Variants in TNFRSF19 observed in about 807,000 individuals in gnomAD.
TNFRSF19 encodes tumor necrosis factor receptor superfamily member 19.
In TNFRSF19, 27 loss-of-function variants were observed where a neutral mutation model predicts 46.4. The ratio of observed to expected loss-of-function variants is 0.58; its 90% CI spans 0.43 to 0.80. The LOEUF (loss-of-function observed/expected upper bound fraction) is 0.80, where lower values mean the gene tolerates loss of function less well. Among genes scored for constraint, TNFRSF19 ranks in the 30% least tolerant of loss-of-function variants. TNFRSF19 has a pLI of 0.00. For synonymous variants in TNFRSF19, 204 were observed against 205.0 expected (o/e 1.00, Z 0.04); for missense variants, 511 against 530.8 (o/e 0.96, Z 0.37).
intron 5 of TNFRSF19, among the ~76,000 whole-genome samples, chr13:23,634,388 C>T (rs1316823001): frequency 6.6e-6 from 1 of 152,208 alleles, no homozygotes; most frequent in Non-Finnish European, 1.5e-5. Flanking sequence ...CTCTGTTAGA[C>T]ATTTAAAACC....
intron 5 of TNFRSF19, among the ~76,000 whole-genome samples, chr13:23,646,179 C>T (rs955471422): frequency 6.6e-6 from 1 of 152,196 alleles, no homozygotes; most frequent in Non-Finnish European, 1.5e-5. Flanking sequence ...CCCCGGTCAG[C>T]GGGCAGTGAT....
At chr13:23,669,444 A>G in intron 9 of TNFRSF19, 1 of 983,154 alleles carries the variant, frequency 1.0e-6, no homozygotes, top group Non-Finnish European at 1.2e-6. Context: ...CCTGTTATAT[A>G]TACTTATTAT....
At chr13:23,594,599 A>G (rs570011293) in intron 3 of TNFRSF19, among the ~76,000 whole-genome samples, 39 of 152,338 alleles carry the variant, frequency 2.6e-4, no homozygotes, top group South Asian at 8.3e-4. Context: ...AGGGAAAGAA[A>G]GGCAGCAGCC....
chr13:23,672,196 G>A (rs1307523557), intron 9 of TNFRSF19, among the ~76,000 whole-genome samples: 1 of 152,222 alleles, frequency 6.6e-6, no homozygotes, highest in Non-Finnish European at 1.5e-5. Context: ...TCCAGATAAA[G>A]CAAATAGGTG....
At chr13:23,623,519 C>G (rs1881805278) in intron 4 of TNFRSF19, among the ~76,000 whole-genome samples, 1 of 152,142 alleles carries the variant, frequency 6.6e-6, no homozygotes. Flanking sequence ...TTTGAGGAAC[C>G]TACGTGCTGT....
chr13:23,625,788 A>G (rs958668638), intron 4 of TNFRSF19, among the ~76,000 whole-genome samples: 1 of 152,142 alleles, frequency 6.6e-6, no homozygotes, highest in Admixed American at 6.5e-5. Context: ...CCCACAGGCA[A>G]TATATACATA....
intron 5 of TNFRSF19, among the ~76,000 whole-genome samples, chr13:23,644,957 A>G (rs1053876123): frequency 1.3e-5 from 2 of 152,240 alleles, no homozygotes; most frequent in African/African-American, 2.4e-5. Context: ...TTCTTGCTCT[A>G]AACAACCCAC....
chr13:23,593,169 G>A (rs926621284), intron 2 of TNFRSF19, among the ~76,000 whole-genome samples, 176 bp from the exon 3 acceptor site: 1 of 152,054 alleles, frequency 6.6e-6, no homozygotes, highest in African/African-American at 2.4e-5. Context: ...TGATTTAGTT[G>A]TTCCACTGAC....
At chr13:23,641,990 G>A (rs976744499) in intron 5 of TNFRSF19, among the ~76,000 whole-genome samples, 1 of 152,198 alleles carries the variant, frequency 6.6e-6, no homozygotes, top group Non-Finnish European at 1.5e-5. Flanking sequence ...AATATCCCAT[G>A]TAACTTACTG....
intron 1 of TNFRSF19, among the ~76,000 whole-genome samples, chr13:23,574,726 T>TG (rs1164718662): frequency 6.6e-6 from 1 of 152,190 alleles, no homozygotes; most frequent in Non-Finnish European, 1.5e-5. Context: ...GTTGTCCACC[T>TG]GGGTGAGCTC....
At chr13:23,631,844 C>T (rs1234230743) in intron 5 of TNFRSF19, among the ~76,000 whole-genome samples, 3 of 152,180 alleles carry the variant, frequency 2.0e-5, no homozygotes, top group African/African-American at 7.2e-5. Context: ...GCCAACCAAA[C>T]CATGGAGTTA....
chr13:23,607,446 T>TA (rs989064841), intron 3 of TNFRSF19, among the ~76,000 whole-genome samples: 18 of 152,020 alleles, frequency 1.2e-4, no homozygotes, highest in African/African-American at 2.9e-4. Context: ...GATAAATAGA[T>TA]AGACAGTTTG....
intron 3 of TNFRSF19, among the ~76,000 whole-genome samples, chr13:23,612,047 G>T (rs905058187): frequency 6.6e-6 from 1 of 152,184 alleles, no homozygotes; most frequent in African/African-American, 2.4e-5. Context: ...AAGGAGCAGG[G>T]ATGGGAAGAA....
At chr13:23,645,659 C>G (rs941257884) in intron 5 of TNFRSF19, among the ~76,000 whole-genome samples, 5 of 152,176 alleles carry the variant, frequency 3.3e-5, no homozygotes, top group Admixed American at 2.6e-4. Flanking sequence ...TCAAAGCCTA[C>G]CTGCATTCTG....
At chr13:23,646,106 G>A (rs777811688) in intron 5 of TNFRSF19, among the ~76,000 whole-genome samples, 2 of 152,044 alleles carry the variant, frequency 1.3e-5, no homozygotes, top group African/African-American at 2.4e-5. Flanking sequence ...CTTAACCCAA[G>A]CCATCACCAT....
Position 23,590,251 on chromosome 13 carries a change from TG to T in TNFRSF19, c.69+1del. 3 of 1,578,686 alleles carry T rather than the reference TG, an allele frequency of 1.9e-6. No individual in the cohort carries two copies. Among genetic ancestry groups the T allele is most frequent in the Non-Finnish European group, 2.6e-6 (3 of 1,160,058 alleles). ...FFTLLVLLGYLSCKVTCESGD... is the reference protein window; with the variant it reads ...FFTLLVLLGYXSCKVTCESGD... ...ACTCTTTTAGTATTACTAGGCTATT[TG>T]GTAAGTAAAGTCCTTTTTTCTTTCA... On this transcript the variant is annotated frameshift_variant and splice_region_variant, in exon 2 of 10. Coordinates refer to ENST00000248484, the MANE Select transcript of TNFRSF19 (RefSeq NM_148957.4). LOFTEE classifies it high-confidence loss of function.
Position 23,659,278 on chromosome 13 carries a change from G to T in TNFRSF19, c.610+64G>T. The T allele has an allele frequency of 6.6e-7, 1 of 1,526,710 alleles. No individual in the cohort carries two copies. Among genetic ancestry groups the T allele is most frequent in the Non-Finnish European group, 8.9e-7 (1 of 1,127,940 alleles). The allele number at this position is 1,526,710 out of a possible 1,614,324, so 94.6% of individuals were successfully genotyped here. ...GAAGGGCATTTATTACTATTGTCGT[G>T]CAAGTGTTCCACAAGAGACTTGGCT... On this transcript the variant is annotated intron_variant, in intron 6 of 9. Transcript: ENST00000248484. This position sits in a 1 kb window ranked among gnomAD's most constrained non-coding sequence, Gnocchi z 4.9.
intron 5 of TNFRSF19, among the ~76,000 whole-genome samples, chr13:23,643,804 C>CA (rs1883161045): frequency 6.6e-6 from 1 of 152,206 alleles, no homozygotes; most frequent in Non-Finnish European, 1.5e-5. Flanking sequence ...CCACAATGCC[C>CA]CAGTTGAGAT....
At chr13:23,660,581 C>T (rs1161987915) in intron 7 of TNFRSF19, 91 bp downstream of exon 7, 9 of 1,413,258 alleles carry the variant, frequency 6.4e-6, no homozygotes, top group Middle Eastern at 2.6e-4. Flanking sequence ...CACCTCACAG[C>T]GAGGTGGCTG....
Sources: allele counts gnomAD v4.1 joint callset (sites outside exome capture counted in the v4.1 genomes callset), GRCh38; gene constraint gnomAD v4.1.1; non-coding constraint Gnocchi (gnomAD v3.1); transcripts MANE v1.5; gene names NCBI Gene and HGNC (gene_info 2026-07-23, HGNC 2026-07-21).